Variants in ALPK1 observed in about 807,000 individuals in gnomAD.
ALPK1 encodes the protein alpha kinase 1, also known as alpha-protein kinase 1.
In ALPK1, 110 loss-of-function variants were observed where a neutral mutation model predicts 120.6. That is an observed-to-expected ratio of 0.91 (90% CI 0.78 to 1.07). The LOEUF (loss-of-function observed/expected upper bound fraction) is 1.07, where lower values mean the gene tolerates loss of function less well. ALPK1 is among the 50% of genes least tolerant of loss of function. The pLI is 0.00. For missense variants in ALPK1, 1,498 were observed against 1,483.9 expected, an observed-to-expected ratio of 1.01 and a Z score of -0.16; for synonymous variants, 582 against 560.3, an observed-to-expected ratio of 1.04 and a Z score of -0.55.
At position 112,441,527 on chromosome 4, in the gene ALPK1, C is replaced by A; in HGVS notation, c.*317C>A. 2.8e-6 allele frequency: 1 copy of A among 353,300 alleles called. No individual in the cohort carries two copies. The highest frequency in any genetic ancestry group is 5.2e-6 in the Non-Finnish European group (1 of 194,052). 21.9% of individuals were successfully genotyped at this position (353,300 alleles called of 1,614,324 possible). A position where few individuals can be genotyped will look rare whatever the true frequency, so the allele number is the denominator to read the frequency against. On this transcript the variant is annotated 3_prime_UTR_variant, in exon 16 of 16. Coordinates refer to ENST00000650871, the MANE Select transcript of ALPK1 (RefSeq NM_025144.4). ...TTTAGAGCTTTTTGTCACTATCTGT[C>A]AAGACTGATACTACTGGGGCTTTTC...
chr4:112,390,548 C>T (rs184660496), intron 4 of ALPK1, among the ~76,000 whole-genome samples: 6 of 152,210 alleles, frequency 3.9e-5, no homozygotes. Flanking sequence ...CCATTATATC[C>T]CTGACACTTA....
intron 5 of ALPK1, among the ~76,000 whole-genome samples, chr4:112,417,203 A>G (rs1017166686): frequency 2.0e-5 from 3 of 152,196 alleles, no homozygotes; most frequent in Non-Finnish European, 1.5e-5. Context: ...TCATTCACAC[A>G]CACACTCACA....
At position 112,397,964 on chromosome 4, in the gene ALPK1, T is replaced by C. The variant is rs571228493; in HGVS notation, c.277-13863T>C. Reference sequence around the variant, plus strand: ...CAGATGGTGTATATATAATTTAATATTGGAGAGTAATAAAGTCTATGATGA... The same window carrying C: ...CAGATGGTGTATATATAATTTAATACTGGAGAGTAATAAAGTCTATGATGA... On this transcript the variant is annotated intron_variant, in intron 4 of 15. Transcript: ENST00000650871. Among the ~76,000 whole-genome samples the C allele has an allele frequency of 2.6e-5, 4 of 152,258 alleles. No individual in the cohort carries two copies. The East Asian group carries it at 7.7e-4, about 29-fold the overall frequency.
intron 6 of ALPK1, 64 bp downstream of exon 6, chr4:112,424,067 A>G (rs1734123184): frequency 2.7e-6 from 4 of 1,497,938 alleles, no homozygotes; most frequent in Middle Eastern, 4.1e-4. Flanking sequence ...CTCATTTAAT[A>G]ACAACTTAGT....
At chr4:112,316,393 C>T (rs1728636159) in intron 2 of ALPK1, 1 of 152,170 alleles carries the variant, frequency 6.6e-6, no homozygotes, top group Non-Finnish European at 1.5e-5. Flanking sequence ...CATGTACATA[C>T]CAATTTTGTT....
intron 2 of ALPK1, among the ~76,000 whole-genome samples, chr4:112,361,729 C>T (rs533601411): frequency 1.2e-4 from 18 of 152,228 alleles, no homozygotes; most frequent in Non-Finnish European, 2.6e-4. Context: ...CCCTATACAA[C>T]CACAGTTGAT....
chr4:112,430,962 G>T lies in ALPK1; in HGVS notation c.1415G>T (p.Ser472Ile). The T allele has an allele frequency of 1.2e-6, 2 of 1,613,964 alleles. No individual in the cohort carries two copies. Among genetic ancestry groups the T allele is most frequent in the South Asian group, 2.2e-5 (2 of 91,070 alleles). ...HHTSVCEVFE[S>I]DCGNNKNEQK... is the part of the protein sequence containing the mutation. ...ACTTCGGTGTGTGAAGTATTTGAAA[G>T]TGATTGTGGAAACAACAAAAATGAA... Residue 472 changes from serine (S) to isoleucine (I), a missense_variant, in exon 11 of 16, where the codon AGT becomes ATT. Ser to Ile is a moderately radical substitution (Grantham distance 142). Transcript: ENST00000650871.
chr4:112,353,283 CT>C (rs1298564913), intron 2 of ALPK1, among the ~76,000 whole-genome samples: 1 of 152,122 alleles, frequency 6.6e-6, no homozygotes, highest in Non-Finnish European at 1.5e-5. Flanking sequence ...CCATACTTCA[CT>C]TTTCTAATCC....
intron 2 of ALPK1, among the ~76,000 whole-genome samples, chr4:112,330,622 T>C (rs1380174254): frequency 6.6e-6 from 1 of 152,232 alleles, no homozygotes; most frequent in Non-Finnish European, 1.5e-5. Flanking sequence ...TGGCCTGTCC[T>C]TGGGTGAAAC....
intron 2 of ALPK1, among the ~76,000 whole-genome samples, chr4:112,325,436 G>T (rs977876578): frequency 7.9e-5 from 12 of 152,178 alleles, no homozygotes; most frequent in Middle Eastern, 3.2e-3. Context: ...AGATTCCCTT[G>T]CAGGGCAGGA....
At chr4:112,395,605 T>C (rs1176306369) in intron 4 of ALPK1, among the ~76,000 whole-genome samples, 3 of 152,326 alleles carry the variant, frequency 2.0e-5, no homozygotes, top group Non-Finnish European at 4.4e-5. Context: ...TTAAGAAGAA[T>C]GAGACAAAGA....
In ALPK1 at chr4:112,430,897, G is replaced by A. The variant is rs141963151; in HGVS notation, c.1350G>A (p.Gly450=). ...RLDKLILHGQ[G]DFQKILDTYS... ...ATAAACTTATCTTGCATGGGCAAGG[G>A]GATTTCCAAAAAATCCTTGACACCT... is the stretch of plus-strand genomic sequence containing the variant. Residue 450 remains glycine, a synonymous_variant, in exon 11 of 16, where the codon GGG becomes GGA. Transcript: ENST00000650871. The A allele has an allele frequency of 1.2e-4, 188 of 1,614,104 alleles. 1 individual carries two copies. In the African/African-American group the frequency reaches 2.1e-3, roughly 18 times the overall value.
intron 2 of ALPK1, among the ~76,000 whole-genome samples, chr4:112,328,841 C>T (rs994333762): frequency 1.3e-5 from 2 of 152,196 alleles, no homozygotes; most frequent in Non-Finnish European, 2.9e-5. Context: ...AGCTGTGAAA[C>T]AGCCCAACAT....
At chr4:112,433,346 CT>C (rs1453364352) in intron 11 of ALPK1, among the ~76,000 whole-genome samples, 3 of 152,172 alleles carry the variant, frequency 2.0e-5, no homozygotes, top group African/African-American at 7.2e-5. Context: ...GGAAGGGTTT[CT>C]CTGGGATCTC....
intron 13 of ALPK1, 62 bp from the exon 14 acceptor site, chr4:112,439,624 C>T (rs1328840076): frequency 6.9e-7 from 1 of 1,439,512 alleles, no homozygotes; most frequent in Non-Finnish European, 9.3e-7. Flanking sequence ...CAAGATTTAC[C>T]CAAGTCCAAA....
intron 5 of ALPK1, chr4:112,414,237 A>T (rs776183945): frequency 2.1e-6 from 1 of 483,290 alleles, no homozygotes; most frequent in East Asian, 6.0e-5. Context: ...TATCCATCTG[A>T]TCCAGCGCTT....
At chr4:112,299,029 C>G (rs1451629765) in intron 1 of ALPK1, among the ~76,000 whole-genome samples, 2 of 152,104 alleles carry the variant, frequency 1.3e-5, no homozygotes, top group African/African-American at 4.8e-5. Context: ...TTGAAGAACT[C>G]TTAAAGGAAT....
chr4:112,388,880 A>C (rs11098153), intron 4 of ALPK1, among the ~76,000 whole-genome samples: 52,593 of 151,992 alleles, frequency 0.35, 9,230 homozygotes, highest in East Asian at 0.53. Context: ...TATGTTCTTT[A>C]AGCTATGACG....
At chr4:112,368,071 C>A (rs1731237169) in intron 2 of ALPK1, among the ~76,000 whole-genome samples, 1 of 152,052 alleles carries the variant, frequency 6.6e-6, no homozygotes, top group African/African-American at 2.4e-5. Context: ...ACGCGCACCA[C>A]CACGCCTGGC....
Sources: allele counts gnomAD v4.1 joint callset (sites outside exome capture counted in the v4.1 genomes callset), GRCh38; gene constraint gnomAD v4.1.1; transcripts MANE v1.5; gene names NCBI Gene and HGNC (gene_info 2026-07-23, HGNC 2026-07-21).